Variants in PTPRJ observed in about 807,000 individuals in gnomAD.
PTPRJ encodes the protein receptor-type tyrosine-protein phosphatase eta.
PTPRJ carries 129 observed loss-of-function variants against 141.3 expected under a neutral mutation model. The observed-to-expected ratio is 0.91, with a 90% CI of 0.79 to 1.06. The LOEUF is 1.06. Ranked by LOEUF, PTPRJ falls within the 50% of genes least tolerant of loss-of-function variation. PTPRJ has a pLI of 0.00. For synonymous variants in PTPRJ, 610 were observed against 640.5 expected (o/e 0.95, Z 0.72); for missense variants, 1,601 against 1,679.7 (o/e 0.95, Z 0.82).
intron 3 of PTPRJ, among the ~76,000 whole-genome samples, chr11:48,113,893 CG>C (rs1856500023): frequency 6.6e-6 from 1 of 152,022 alleles, no homozygotes. Flanking sequence ...AAAAATTCTC[CG>C]GGAGCCTTAA....
chr11:48,085,591 C>T (rs562238134), intron 1 of PTPRJ, among the ~76,000 whole-genome samples: 23 of 152,236 alleles, frequency 1.5e-4, no homozygotes, highest in African/African-American at 5.3e-4. Flanking sequence ...GTGATCCACC[C>T]GTCTCAGCCT....
chr11:48,082,183 C>T (rs1400449368), intron 1 of PTPRJ, among the ~76,000 whole-genome samples: 2 of 152,150 alleles, frequency 1.3e-5, no homozygotes, highest in African/African-American at 4.8e-5. Flanking sequence ...AGGAGCAGGG[C>T]ATTTTTGGAG....
intron 18 of PTPRJ, among the ~76,000 whole-genome samples, chr11:48,151,266 G>A (rs1353950031): frequency 6.6e-6 from 1 of 151,816 alleles, no homozygotes; most frequent in Non-Finnish European, 1.5e-5. Context: ...GCAGCTTCTG[G>A]GAGCCCCAGG....
intron 1 of PTPRJ, among the ~76,000 whole-genome samples, chr11:48,052,066 G>A (rs1854585322): frequency 6.6e-6 from 1 of 152,186 alleles, no homozygotes; most frequent in South Asian, 2.1e-4. Flanking sequence ...AAGTGTCTAA[G>A]CTTCTTGAGG....
intron 1 of PTPRJ, among the ~76,000 whole-genome samples, chr11:48,073,479 A>C (rs971809320): frequency 1.3e-5 from 2 of 152,246 alleles, no homozygotes; most frequent in African/African-American, 4.8e-5. Flanking sequence ...GTAAGTGCTT[A>C]GCACAGTGTT....
chr11:48,093,155 C>T (rs933512096), intron 1 of PTPRJ, among the ~76,000 whole-genome samples: 1 of 152,156 alleles, frequency 6.6e-6, no homozygotes, highest in African/African-American at 2.4e-5. Context: ...ATTTTTGCCT[C>T]AGTGATCATG....
intron 1 of PTPRJ, among the ~76,000 whole-genome samples, chr11:48,005,277 C>T (rs1315109688): frequency 6.6e-6 from 1 of 151,802 alleles, no homozygotes; most frequent in Non-Finnish European, 1.5e-5. Flanking sequence ...AATTGTGCAA[C>T]CATCACTGCT....
rs1182165256 is a variant in PTPRJ, at chr11:48,109,271, T to C, written c.97-787T>C. Among the ~76,000 whole-genome samples, 4 of 126,990 alleles carry C rather than the reference T, an allele frequency of 3.1e-5. No homozygotes were observed. In the Admixed American group the frequency reaches 3.5e-4, roughly 11 times the overall value. 83.3% of individuals were successfully genotyped at this position (126,990 alleles called of 152,430 possible). On this transcript the variant is annotated intron_variant, in intron 1 of 24. Coordinates refer to ENST00000418331, the MANE Select transcript of PTPRJ (RefSeq NM_002843.4). ...TCCTTTTTGATTATTTTATTCTTCG[T>C]GACGATCCTACTTAAAAAAAAAAAT...
chr11:48,058,819 G>A (rs1316580164), intron 1 of PTPRJ, among the ~76,000 whole-genome samples: 2 of 152,134 alleles, frequency 1.3e-5, no homozygotes, highest in South Asian at 2.1e-4. Context: ...CTGGCACGCC[G>A]AGGGGAAAAG....
chr11:48,023,978 A>G lies in PTPRJ; in HGVS notation c.96+42970A>G, dbSNP rs185216975. ...TTGGAAAACCCCACGCTTATCAGGA[A>G]AAGGAGATGGAAGTGAAAAAATAAA... is the stretch of plus-strand genomic sequence containing the variant. On this transcript the variant is annotated intron_variant, in intron 1 of 24. Transcript: ENST00000418331. Among the ~76,000 whole-genome samples the G allele has an allele frequency of 1.5e-3, 234 of 152,008 alleles. 1 individual carries two copies. The highest frequency in any genetic ancestry group is 2.4e-3 in the Non-Finnish European group (165 of 67,950).
intron 1 of PTPRJ, among the ~76,000 whole-genome samples, chr11:48,095,225 T>G (rs1855973321): frequency 6.6e-6 from 1 of 152,172 alleles, no homozygotes; most frequent in South Asian, 2.1e-4. Flanking sequence ...CAATTTGCCT[T>G]TTAGTGAAGT....
chr11:48,055,700 G>A (rs747449238), intron 1 of PTPRJ, among the ~76,000 whole-genome samples: 5 of 152,160 alleles, frequency 3.3e-5, no homozygotes, highest in Admixed American at 1.3e-4. Context: ...GGGCTTCAGG[G>A]TCAGGTGAGG....
intron 3 of PTPRJ, among the ~76,000 whole-genome samples, chr11:48,120,069 C>G (rs1856666518): frequency 6.6e-6 from 1 of 152,182 alleles, no homozygotes; most frequent in African/African-American, 2.4e-5. Flanking sequence ...GACCCTGAAA[C>G]CAGATTTCTA....
intron 1 of PTPRJ, among the ~76,000 whole-genome samples, chr11:48,000,633 A>G (rs2626565): frequency 0.067 from 10,210 of 151,782 alleles, 1,107 homozygotes; most frequent in African/African-American, 0.23. Flanking sequence ...TTCACAGACT[A>G]CAGTCACCTG....
intron 1 of PTPRJ, among the ~76,000 whole-genome samples, chr11:47,996,046 A>C (rs796789162): frequency 6.6e-6 from 1 of 150,524 alleles, no homozygotes; most frequent in Non-Finnish European, 1.5e-5. Flanking sequence ...CTCCAAAAAA[A>C]AAAAAGGCTG....
chr11:48,118,427 G>T (rs1476605416), intron 3 of PTPRJ, among the ~76,000 whole-genome samples: 1 of 152,104 alleles, frequency 6.6e-6, no homozygotes, highest in Non-Finnish European at 1.5e-5. Flanking sequence ...CTTCTCAATT[G>T]CTTCCAAAAA....
intron 1 of PTPRJ, among the ~76,000 whole-genome samples, chr11:47,991,022 A>G (rs1020323877): frequency 6.6e-6 from 1 of 151,972 alleles, no homozygotes; most frequent in Non-Finnish European, 1.5e-5. Flanking sequence ...GCCCGGCCCC[A>G]TGAAACCTCT....
At chr11:48,063,023 C>T (rs188495213) in intron 1 of PTPRJ, among the ~76,000 whole-genome samples, 2 of 152,222 alleles carry the variant, frequency 1.3e-5, no homozygotes, top group Middle Eastern at 3.4e-3. Flanking sequence ...GAACTGATGC[C>T]TATATTTCAA....
intron 1 of PTPRJ, among the ~76,000 whole-genome samples, chr11:48,042,785 T>TGA (rs1221047001): frequency 0.022 from 3,211 of 146,270 alleles, 111 homozygotes; most frequent in African/African-American, 0.072. Flanking sequence ...TGTGTGTGTG[T>TGA]GAGAGAGAGA....
Sources: allele counts gnomAD v4.1 joint callset (sites outside exome capture counted in the v4.1 genomes callset), GRCh38; gene constraint gnomAD v4.1.1; transcripts MANE v1.5; gene names NCBI Gene and HGNC (gene_info 2026-07-23, HGNC 2026-07-21).